Variants in EDARADD observed in about 807,000 individuals in gnomAD.
EDARADD encodes ectodysplasin-A receptor-associated adapter protein.
In EDARADD, 20 loss-of-function variants were observed where a neutral mutation model predicts 25.6. The observed-to-expected ratio is 0.78, with a 90% CI of 0.55 to 1.14. The LOEUF is 1.14. EDARADD is among the 50% of genes most tolerant of loss of function. The pLI is 0.00. For synonymous variants in EDARADD, 86 were observed against 94.4 expected (o/e 0.91, Z 0.52); for missense variants, 225 against 270.1 (o/e 0.83, Z 1.17).
chr1:236,370,627 GTCT>G (rs927026411), intron 3 of EDARADD, among the ~76,000 whole-genome samples: 8 of 152,160 alleles, frequency 5.3e-5, no homozygotes, highest in African/African-American at 1.9e-4. Flanking sequence ...ACTCAAAGCT[GTCT>G]TCTTGCACTG....
chr1:236,402,033 C>T (rs1667622865), intron 1 of EDARADD, among the ~76,000 whole-genome samples: 2 of 152,154 alleles, frequency 1.3e-5, no homozygotes, highest in South Asian at 4.1e-4. Flanking sequence ...GCTGTCTCGG[C>T]TCACTGCAAC....
At chr1:236,436,507 G>A (rs1345404464) in intron 4 of EDARADD, among the ~76,000 whole-genome samples, 1 of 150,492 alleles carries the variant, frequency 6.6e-6, no homozygotes, top group East Asian at 2.0e-4. Flanking sequence ...CACACTTGTA[G>A]TCCCAGCTGC....
intron 4 of EDARADD, among the ~76,000 whole-genome samples, chr1:236,461,482 G>T (rs971110373): frequency 1.3e-5 from 2 of 152,126 alleles, no homozygotes; most frequent in African/African-American, 4.8e-5. Flanking sequence ...TTTGCTTCTG[G>T]TTCTCTATTC....
intron 1 of EDARADD, among the ~76,000 whole-genome samples, chr1:236,396,679 T>G (rs969217601): frequency 6.6e-6 from 1 of 152,010 alleles, no homozygotes; most frequent in African/African-American, 2.4e-5. Context: ...TCTTGGAAAC[T>G]TCAAAGAAAG....
chr1:236,458,365 T>C lies in EDARADD; in HGVS notation c.220-9866T>C, dbSNP rs183020141. On this transcript the variant is annotated intron_variant, in intron 4 of 5. Coordinates refer to ENST00000334232, the MANE Select transcript of EDARADD (RefSeq NM_145861.4). Reference sequence around the variant, plus strand: ...GAGAGTCCTGGCCTTAAAAAACTTATCTGATGTATTGTTAAACAGATAAAG... The same window carrying C: ...GAGAGTCCTGGCCTTAAAAAACTTACCTGATGTATTGTTAAACAGATAAAG... 3.5e-4 allele frequency among the ~76,000 whole-genome samples: 54 copies of C among 152,302 alleles called. No individual in the cohort carries two copies. The East Asian group carries it at 7.1e-3, about 20-fold the overall frequency.
chr1:236,433,825 G>A (rs980697278), intron 4 of EDARADD, among the ~76,000 whole-genome samples: 10 of 150,482 alleles, frequency 6.6e-5, no homozygotes, highest in South Asian at 2.1e-4. Flanking sequence ...AGCCGATATC[G>A]CACCACTGCA....
chr1:236,378,142 T>G lies in EDARADD; in HGVS notation c.-6+27303T>G, dbSNP rs370107885. ...GGTGGGATCTGATGGTTAGAGTGGG[T>G]TGGAGTTGGGTATTTTCCTTCCTCC... On this transcript the variant is annotated intron_variant, in intron 3 of 7. Transcript: ENST00000439430. 3.3e-4 allele frequency among the ~76,000 whole-genome samples: 50 copies of G among 152,272 alleles called. 2 individuals are homozygous for G. The South Asian group carries it at 8.7e-3, about 27-fold the overall frequency.
rs74942492 is a variant in EDARADD at position 236,482,601 on chromosome 1, C to G, written c.600C>G (p.Asp200Glu). ...DVEKVLRRWV[D>E]EEWPKRERGD... Reference sequence around the variant, plus strand: ...AGAAGGTTCTGCGCAGGTGGGTGGACGAGGAGTGGCCCAAGCGGGAGCGTG... The same window carrying G: ...AGAAGGTTCTGCGCAGGTGGGTGGAGGAGGAGTGGCCCAAGCGGGAGCGTG... Residue 200 changes from aspartate (D) to glutamate (E), a missense_variant, in exon 6 of 6, where the codon GAC becomes GAG. Transcript: ENST00000334232. The G allele has an allele frequency of 1.6e-5, 26 of 1,612,516 alleles. No individual in the cohort carries two copies. Among genetic ancestry groups the G allele is most frequent in the Admixed American group, 1.0e-4 (6 of 59,996 alleles).
intron 4 of EDARADD, among the ~76,000 whole-genome samples, chr1:236,439,966 T>C (rs1277394089): frequency 2.0e-5 from 3 of 152,208 alleles, no homozygotes; most frequent in Non-Finnish European, 4.4e-5. Context: ...CTTCTAAAAA[T>C]TTTATAATTT....
chr1:236,484,372 G>C lies in EDARADD; in HGVS notation c.*1723G>C. Reference sequence around the variant, plus strand: ...ACTGGTGCCCCTTGCTGATCTGAGCGCTTGGCCAAGTACAACCAGCTCCTC... The same window carrying C: ...ACTGGTGCCCCTTGCTGATCTGAGCCCTTGGCCAAGTACAACCAGCTCCTC... On this transcript the variant is annotated 3_prime_UTR_variant, in exon 6 of 6. Transcript: ENST00000334232. This position sits in a 1 kb window ranked among gnomAD's most constrained non-coding sequence, Gnocchi z 4.1. The C allele has an allele frequency of 1.3e-6, 2 of 1,576,124 alleles. No homozygotes were observed. Among genetic ancestry groups the C allele is most frequent in the Non-Finnish European group, 1.7e-6 (2 of 1,146,414 alleles).
At chr1:236,437,312 T>C (rs1415214613) in intron 4 of EDARADD, among the ~76,000 whole-genome samples, 1 of 152,222 alleles carries the variant, frequency 6.6e-6, no homozygotes, top group Non-Finnish European at 1.5e-5. Flanking sequence ...ATGTTTCCTG[T>C]AAACACTACT....
In EDARADD at chr1:236,482,632, C is replaced by A; in HGVS notation, c.631C>A (p.Pro211Thr). The A allele has an allele frequency of 6.2e-7, 1 of 1,611,966 alleles. No individual in the cohort carries two copies. Among genetic ancestry groups the A allele is most frequent in the Non-Finnish European group, 8.5e-7 (1 of 1,180,024 alleles). ...EEWPKRERGD[P>T]SRHF Reference sequence around the variant, plus strand: ...GTGGCCCAAGCGGGAGCGTGGAGACCCCTCCAGGCACTTCTAGAGCTCTTC... The same window carrying A: ...GTGGCCCAAGCGGGAGCGTGGAGACACCTCCAGGCACTTCTAGAGCTCTTC... The change falls in exon 6 of 6, where the codon CCC becomes ACC. Residue 211 changes from proline (P) to threonine (T), a missense_variant. By Grantham distance (38) the Pro-to-Thr change is conservative (BLOSUM62 -1). Transcript: ENST00000334232.
At chr1:236,444,357 G>T (rs1039512311) in intron 4 of EDARADD, among the ~76,000 whole-genome samples, 1 of 151,904 alleles carries the variant, frequency 6.6e-6, no homozygotes, top group African/African-American at 2.4e-5. Context: ...TTTACACATC[G>T]AGATCCAGAG....
chr1:236,352,790 G>A (rs182773981), intron 3 of EDARADD, among the ~76,000 whole-genome samples: 8 of 152,318 alleles, frequency 5.3e-5, no homozygotes, highest in Admixed American at 2.0e-4. Flanking sequence ...GGAGGTTGCA[G>A]TGAGCCAAGA....
At chr1:236,481,894 A>G (rs1659685733) in intron 5 of EDARADD, among the ~76,000 whole-genome samples, 1 of 151,894 alleles carries the variant, frequency 6.6e-6, no homozygotes, top group Non-Finnish European at 1.5e-5. Flanking sequence ...CGGGTGGATC[A>G]CAAGGTCAGG....
chr1:236,478,463 T>C (rs932465739), intron 5 of EDARADD, among the ~76,000 whole-genome samples: 2 of 150,952 alleles, frequency 1.3e-5, no homozygotes, highest in Admixed American at 1.3e-4. Flanking sequence ...TATATGTGTG[T>C]GTGTGTATAT....
At chr1:236,429,021 A>G (rs533288947) in intron 4 of EDARADD, among the ~76,000 whole-genome samples, 4 of 152,014 alleles carry the variant, frequency 2.6e-5, no homozygotes, top group Admixed American at 2.6e-4. Context: ...CTGCAATCCC[A>G]GGCACTCGGC....
chr1:236,482,821 T>A lies in EDARADD; in HGVS notation c.*172T>A, dbSNP rs1659716913. On this transcript the variant is annotated 3_prime_UTR_variant, in exon 6 of 6. Transcript: ENST00000334232. ...AGGGGTAGCTTGTTTCGGTGGTGGA[T>A]CTCTGTTTATTTTTGCACATCTGTT... 2.5e-6 allele frequency: 2 copies of A among 803,534 alleles called. No homozygotes were observed. The highest frequency in any genetic ancestry group is 5.3e-5 in the Admixed American group (2 of 37,810). 49.8% of individuals were successfully genotyped at this position (803,534 alleles called of 1,614,324 possible).
At position 236,398,888 on chromosome 1, in the gene EDARADD, A is replaced by G. The variant is rs78638688; in HGVS notation, c.61+4383A>G. 6.2e-3 allele frequency among the ~76,000 whole-genome samples: 944 copies of G among 152,288 alleles called. 12 individuals carry two copies. The highest frequency in any genetic ancestry group is 0.021 in the African/African-American group (864 of 41,540). On this transcript the variant is annotated intron_variant, in intron 1 of 5. Transcript: ENST00000334232. The surrounding 1 kb of genome is among the most constrained non-coding windows in gnomAD (Gnocchi z 4.1). ...GGAAATAAACTCGTGGACAGAGGTC[A>G]TGTCTGTGTGGTAGCTCTCCCTAAC...
Sources: allele counts gnomAD v4.1 joint callset (sites outside exome capture counted in the v4.1 genomes callset), GRCh38; gene constraint gnomAD v4.1.1; non-coding constraint Gnocchi (gnomAD v3.1); transcripts MANE v1.5; gene names NCBI Gene and HGNC (gene_info 2026-07-23, HGNC 2026-07-21).